DSG4: variants seen among roughly 807,000 people sequenced by gnomAD.
DSG4 encodes desmoglein 4.
In DSG4, 87 loss-of-function variants were observed where a neutral mutation model predicts 93.1. The observed-to-expected ratio is 0.93, with a 90% confidence interval of 0.79 to 1.12. The LOEUF (loss-of-function observed/expected upper bound fraction) is 1.12, where lower values mean the gene tolerates loss of function less well. DSG4 is among the 50% of genes most tolerant of loss of function. The pLI, the probability that DSG4 is intolerant of heterozygous loss-of-function variation, is 0.00. For missense variants in DSG4, 1,373 were observed against 1,285.7 expected (o/e 1.07, Z -1.04); for synonymous variants, 432 against 452.9 (o/e 0.95, Z 0.59).
chr18:31,387,884 G>A (rs2144171985), intron 3 of DSG4, among the ~76,000 whole-genome samples: 1 of 152,164 alleles, frequency 6.6e-6, no homozygotes, highest in East Asian at 1.9e-4. Context: ...GATGCAGTAT[G>A]TTTACATTTA....
At chr18:31,402,046 C>A (rs2072373729) in intron 10 of DSG4, among the ~76,000 whole-genome samples, 1 of 152,158 alleles carries the variant, frequency 6.6e-6, no homozygotes, top group Non-Finnish European at 1.5e-5. Context: ...ATGTTGATTG[C>A]ACCCTATGTT....
chr18:31,388,313 C>G, intron 3 of DSG4, 54 bp from the exon 4 acceptor site: 19 of 1,601,316 alleles, frequency 1.2e-5, no homozygotes, highest in East Asian at 2.2e-5. Flanking sequence ...CCACTACACT[C>G]TTAAGCATTA....
At chr18:31,380,150 A>G (rs182266065) in intron 1 of DSG4, among the ~76,000 whole-genome samples, 9 of 152,316 alleles carry the variant, frequency 5.9e-5, no homozygotes, top group Admixed American at 3.3e-4. Context: ...TAGTATTACC[A>G]TGACCTATAA....
intron 7 of DSG4, among the ~76,000 whole-genome samples, chr18:31,391,691 A>G (rs1256253913): frequency 4.0e-5 from 6 of 151,572 alleles, no homozygotes; most frequent in African/African-American, 1.2e-4. Flanking sequence ...AACAAAACAA[A>G]AAACGTGTTA....
At chr18:31,377,144 G>A (rs1184611965) in intron 1 of DSG4, among the ~76,000 whole-genome samples, 185 bp downstream of exon 1, 5 of 152,120 alleles carry the variant, frequency 3.3e-5, no homozygotes, top group Non-Finnish European at 7.3e-5. Flanking sequence ...ATGCCATAGA[G>A]AAGCGGGGTG....
intron 14 of DSG4, 80 bp downstream of exon 14, chr18:31,409,888 T>G: frequency 6.7e-7 from 1 of 1,501,620 alleles, no homozygotes; most frequent in South Asian, 1.1e-5. Flanking sequence ...TAAAAGTACC[T>G]TATGGAAAAG....
chr18:31,390,747 A>G lies in DSG4; in HGVS notation c.609A>G (p.Pro203=), dbSNP rs199699049. 1.2e-6 allele frequency: 2 copies of G among 1,613,868 alleles called. No homozygotes were observed. The highest frequency in any genetic ancestry group is 1.7e-6 in the Non-Finnish European group (2 of 1,179,824). ...KIAYKIVSQE[P]SGAPMFILNR... ...CCTACAAGATCGTCTCTCAGGAGCCATCAGGTGCACCCATGTTCATTCTGA... is the reference window on the plus strand; with the variant it reads ...CCTACAAGATCGTCTCTCAGGAGCCGTCAGGTGCACCCATGTTCATTCTGA... The change falls in exon 6 of 16, where the codon CCA becomes CCG. Residue 203 remains proline (P), a synonymous_variant. Coordinates refer to ENST00000308128, the MANE Select transcript of DSG4 (RefSeq NM_177986.5).
intron 8 of DSG4, among the ~76,000 whole-genome samples, chr18:31,395,189 T>C (rs1243235265): frequency 6.6e-6 from 1 of 151,784 alleles, no homozygotes; most frequent in Non-Finnish European, 1.5e-5. Context: ...ATGAAAAAAA[T>C]TAACAATGCA....
At chr18:31,404,481 C>T (rs1020454853) in intron 11 of DSG4, among the ~76,000 whole-genome samples, 17 of 152,092 alleles carry the variant, frequency 1.1e-4, no homozygotes, top group Admixed American at 1.1e-3. Context: ...TAAGATAGCT[C>T]CCCAATCTCA....
At chr18:31,391,008 T>C in intron 6 of DSG4, 70 bp from the exon 7 acceptor site, 5 of 1,591,046 alleles carry the variant, frequency 3.1e-6, no homozygotes, top group Non-Finnish European at 3.4e-6. Flanking sequence ...AGAGAAATAA[T>C]GGCATTGAAT....
At chr18:31,403,256 G>T (rs1274420644) in intron 10 of DSG4, among the ~76,000 whole-genome samples, 160 bp from the exon 11 acceptor site, 11 of 152,134 alleles carry the variant, frequency 7.2e-5, no homozygotes, top group Admixed American at 7.2e-4. Flanking sequence ...GCACACAAAG[G>T]GAAGAGTGAC....
At chr18:31,377,107 A>G in intron 1 of DSG4, 148 bp downstream of exon 1, 1 of 919,594 alleles carries the variant, frequency 1.1e-6, no homozygotes. Context: ...TTAATTTCAA[A>G]CAACTCTCTC....
chr18:31,411,197 C>T, intron 14 of DSG4, 34 bp from the exon 15 acceptor site: 2 of 1,614,236 alleles, frequency 1.2e-6, no homozygotes, highest in Non-Finnish European at 1.7e-6. Context: ...GCAGGCAACT[C>T]CAGCGCTGTT....
At chr18:31,378,607 T>C (rs1270898362) in intron 1 of DSG4, among the ~76,000 whole-genome samples, 3 of 152,190 alleles carry the variant, frequency 2.0e-5, no homozygotes, top group African/African-American at 7.2e-5. Flanking sequence ...ACTAGCGTTT[T>C]TAATACTTAA....
chr18:31,403,006 C>A (rs1176924290), intron 10 of DSG4, among the ~76,000 whole-genome samples: 1 of 151,974 alleles, frequency 6.6e-6, no homozygotes, highest in African/African-American at 2.4e-5. Context: ...CAGTGAGCAT[C>A]CTGAATGGAG....
chr18:31,380,604 A>G (rs908143081), intron 1 of DSG4, among the ~76,000 whole-genome samples: 1 of 152,242 alleles, frequency 6.6e-6, no homozygotes, highest in African/African-American at 2.4e-5. Context: ...CATTATAAGC[A>G]AAAGTGGTAT....
chr18:31,391,136 G>A lies in DSG4; in HGVS notation c.743G>A (p.Gly248Glu). ...RGSDRDGAADGLSSECDCRIK... is the reference protein window; with the variant it reads ...RGSDRDGAADELSSECDCRIK... The stretch of plus-strand genomic sequence containing the variant: ...TCAGATCGGGATGGAGCTGCAGATG[G>A]ACTGTCTTCTGAGTGTGACTGTAGA... Residue 248 changes from glycine to glutamate, a missense_variant, in exon 7 of 16, where the codon GGA becomes GAA. Coordinates refer to ENST00000308128, the MANE Select transcript of DSG4 (RefSeq NM_177986.5). 1 of 1,613,800 alleles carries A rather than the reference G, an allele frequency of 6.2e-7. No individual in the cohort carries two copies.
At chr18:31,378,252 C>T (rs573126109) in intron 1 of DSG4, among the ~76,000 whole-genome samples, 26 of 152,240 alleles carry the variant, frequency 1.7e-4, no homozygotes, top group African/African-American at 6.3e-4. Context: ...TATTTATTTA[C>T]TAAATAAAAT....
chr18:31,387,521 G>A (rs566074327), intron 3 of DSG4, among the ~76,000 whole-genome samples: 9 of 152,228 alleles, frequency 5.9e-5, no homozygotes, highest in East Asian at 1.9e-4. Flanking sequence ...TTGGAGGGAC[G>A]CTTTTAAATT....
Sources: gnomAD v4.1 joint callset for allele counts (sites outside exome capture counted in the v4.1 genomes callset) on GRCh38, gnomAD v4.1.1 for gene constraint, MANE v1.5 for transcripts, NCBI Gene and HGNC (gene_info 2026-07-23, HGNC 2026-07-21) for gene names.